SLC20A1: variants seen among roughly 807,000 people sequenced by gnomAD.
SLC20A1 encodes the protein solute carrier family 20 member 1.
A neutral mutation model predicts 62.7 loss-of-function variants in SLC20A1; 28 were observed. The ratio of observed to expected loss-of-function variants is 0.45; its 90% CI spans 0.33 to 0.61. SLC20A1 has a LOEUF of 0.61. Ranked by LOEUF, SLC20A1 falls within the 20% of genes least tolerant of loss-of-function variation. The probability of loss-of-function intolerance (pLI) is 0.02; values close to 1 mark genes in which losing one functional copy is unlikely to be tolerated. For missense variants in SLC20A1, 673 were observed against 838.6 expected (o/e 0.80, Z 2.44); for synonymous variants, 305 against 302.9 (o/e 1.01, Z -0.07).
intron 8 of SLC20A1, 57 bp from the exon 9 acceptor site, chr2:112,660,330 C>A (rs1686713320): frequency 6.7e-7 from 1 of 1,484,466 alleles, no homozygotes. Flanking sequence ...CAGATTGGGT[C>A]TTGCCAAGAT....
chr2:112,655,230 A>G (rs1300325333), intron 5 of SLC20A1, among the ~76,000 whole-genome samples: 1 of 151,902 alleles, frequency 6.6e-6, no homozygotes, highest in African/African-American at 2.4e-5. Context: ...CAGCCTCCCA[A>G]AGTGCTGGGA....
Position 112,663,122 on chromosome 2 carries a change from A to G in SLC20A1, c.*97A>G. 7.2e-7 allele frequency: 1 copy of G among 1,396,890 alleles called. No individual in the cohort carries two copies. Among genetic ancestry groups the G allele is most frequent in the Non-Finnish European group, 1.0e-6 (1 of 983,274 alleles). 86.5% of individuals were successfully genotyped at this position (1,396,890 alleles called of 1,614,324 possible). On this transcript the variant is annotated 3_prime_UTR_variant, in exon 11 of 11. Coordinates refer to ENST00000272542, the MANE Select transcript of SLC20A1 (RefSeq NM_005415.5). The stretch of plus-strand genomic sequence containing the variant: ...TTACAGTGTTAACAGAAGACTGACA[A>G]GAGTCTTTTTATTTGGGAGCCAGAG...
intron 5 of SLC20A1, among the ~76,000 whole-genome samples, chr2:112,655,432 C>T (rs575253866): frequency 2.0e-4 from 30 of 151,174 alleles, no homozygotes; most frequent in Admixed American, 5.9e-4. Flanking sequence ...TCTGTGATTT[C>T]GTACATAACA....
Position 112,662,778 on chromosome 2 carries a change from C to A in SLC20A1, c.1879-86C>A, listed in dbSNP as rs1187547798. 2.9e-6 allele frequency: 4 copies of A among 1,400,680 alleles called. No homozygotes were observed. The African/African-American group carries it at 5.8e-5, about 20-fold the overall frequency. The allele number at this position is 1,400,680 out of a possible 1,614,324, so 86.8% of individuals were successfully genotyped here. A position where few individuals can be genotyped will look rare whatever the true frequency, so the allele number is the denominator to read the frequency against. On this transcript the variant is annotated intron_variant, in intron 10 of 10. Transcript: ENST00000272542. The stretch of plus-strand genomic sequence containing the variant: ...TTGTCTTGTCCAGGGGTCTGGGGCT[C>A]CTTGTCCAAACAGTCTCAGGTGTCT...
At chr2:112,651,396 T>G (rs1489585834) in intron 4 of SLC20A1, among the ~76,000 whole-genome samples, 1 of 152,266 alleles carries the variant, frequency 6.6e-6, no homozygotes, top group African/African-American at 2.4e-5. Context: ...TATTCAGATC[T>G]TTGCTCCCAA....
chr2:112,658,721 A>G (rs1317003402), intron 6 of SLC20A1, 104 bp from the exon 7 acceptor site: 7 of 1,258,580 alleles, frequency 5.6e-6, no homozygotes, highest in East Asian at 4.7e-5. Flanking sequence ...GTTCACATAC[A>G]TTCTTGTTTT....
intron 4 of SLC20A1, among the ~76,000 whole-genome samples, chr2:112,651,226 C>T (rs567614175): frequency 6.6e-5 from 10 of 152,266 alleles, no homozygotes; most frequent in African/African-American, 2.2e-4. Context: ...TTTCACTGGT[C>T]TTAAGCTACT....
chr2:112,650,334 CTT>C (rs398042584), intron 4 of SLC20A1, among the ~76,000 whole-genome samples: 20 of 134,846 alleles, frequency 1.5e-4, no homozygotes, highest in Admixed American at 2.2e-4. Context: ...TTTTTGGAGC[CTT>C]TTTTTTTTTT....
rs773142769 is a variant in SLC20A1, at chr2:112,660,511, G to T, written c.1732G>T (p.Val578Phe). 2.5e-6 allele frequency: 4 copies of T among 1,614,200 alleles called. No individual in the cohort carries two copies. The Admixed American group carries it at 5.0e-5, about 20-fold the overall frequency. ...GGVGICVGLW[V>F]WGRRVIQTMG... ...TGTTGGTATCTGTGTTGGTCTGTGGGTTTGGGGAAGAAGAGTTATCCAGAC... is the reference window on the plus strand; with the variant it reads ...TGTTGGTATCTGTGTTGGTCTGTGGTTTTGGGGAAGAAGAGTTATCCAGAC... The change falls in exon 9 of 11, where the codon GTT becomes TTT. Residue 578 changes from valine to phenylalanine, a missense_variant. Transcript: ENST00000272542.
chr2:112,654,570 A>T (rs1046343581), intron 5 of SLC20A1, among the ~76,000 whole-genome samples: 2 of 152,188 alleles, frequency 1.3e-5, no homozygotes, highest in Admixed American at 1.3e-4. Context: ...TGAAAGCAGA[A>T]TTTAAAATGA....
At chr2:112,657,005 G>T in intron 5 of SLC20A1, 117 bp from the exon 6 acceptor site, 1 of 1,182,538 alleles carries the variant, frequency 8.5e-7, no homozygotes, top group East Asian at 2.4e-5. Context: ...TCTGGCAGCA[G>T]CTGTCAGGGG....
intron 5 of SLC20A1, among the ~76,000 whole-genome samples, chr2:112,654,922 CAAAA>C (rs143031557): frequency 1.5e-5 from 2 of 135,900 alleles, no homozygotes; most frequent in Non-Finnish European, 3.2e-5. Flanking sequence ...AGTTCAAAAA[CAAAA>C]AAAGTTTTAG....
intron 5 of SLC20A1, among the ~76,000 whole-genome samples, chr2:112,655,474 T>G (rs1223230759): frequency 6.6e-6 from 1 of 150,600 alleles, no homozygotes; most frequent in Non-Finnish European, 1.5e-5. Context: ...CAGAAGTAAC[T>G]AAGCTATTCC....
rs1268505591 is a variant in SLC20A1 at position 112,662,917 on chromosome 2, G to A, written c.1932G>A (p.Trp644Ter). The A allele has an allele frequency of 6.2e-7, 1 of 1,614,010 alleles. No homozygotes were observed. Among genetic ancestry groups the A allele is most frequent in the Non-Finnish European group, 8.5e-7 (1 of 1,180,030 alleles). ...TCCGGTCCAAGAAGGCTGTTGACTG[G>A]CGTCTCTTTCGTAACATTTTTATGG... Reference protein sequence around the residue: ...GWLRSKKAVDWRLFRNIFMAW... With the variant: ...GWLRSKKAVD Residue 644 changes from tryptophan to a stop codon, truncating the protein, a stop_gained, in exon 11 of 11, where the codon TGG becomes TGA. Transcript: ENST00000272542. LOFTEE classifies it high-confidence loss of function.
At chr2:112,652,995 A>G (rs1479909344) in intron 5 of SLC20A1, 197 bp downstream of exon 5, 1 of 1,388,754 alleles carries the variant, frequency 7.2e-7, no homozygotes, top group Admixed American at 2.0e-5. Context: ...AGACCTGCTC[A>G]GATTCTAAAT....
chr2:112,649,450 A>G (rs1686375150), intron 4 of SLC20A1, among the ~76,000 whole-genome samples: 1 of 152,216 alleles, frequency 6.6e-6, no homozygotes, highest in Non-Finnish European at 1.5e-5. Context: ...TTTCAAGAAA[A>G]TATCCTTAGA....
chr2:112,646,002 T>C lies in SLC20A1; in HGVS notation c.-394T>C, dbSNP rs995754382. 1.3e-4 allele frequency: 20 copies of C among 152,274 alleles called. No homozygotes were observed. The highest frequency in any genetic ancestry group is 1.1e-3 in the Admixed American group (17 of 15,274). 9.4% of individuals were successfully genotyped at this position (152,274 alleles called of 1,614,324 possible). On this transcript the variant is annotated 5_prime_UTR_variant, in exon 1 of 11. Transcript: ENST00000272542. ...TCTCGGCCGCTGAAACCCCCGCGGCTGCTTCCTGGGAAGGTCGTGAGTCCC... is the reference window on the plus strand; with the variant it reads ...TCTCGGCCGCTGAAACCCCCGCGGCCGCTTCCTGGGAAGGTCGTGAGTCCC...
At position 112,646,733 on chromosome 2, in the gene SLC20A1, ATTAT is replaced by A; in HGVS notation, c.-90_-87del. ...CAGTATTTAATTTTATATAATATATATTATTTATTATAGCATTTTTGATACCTCA... is the reference window on the plus strand; with the variant it reads ...CAGTATTTAATTTTATATAATATATATTATTATAGCATTTTTGATACCTCA... On this transcript the variant is annotated 5_prime_UTR_variant, in exon 2 of 11. Coordinates refer to ENST00000272542, the MANE Select transcript of SLC20A1 (RefSeq NM_005415.5). 1.7e-6 allele frequency: 1 copy of A among 573,694 alleles called. No homozygotes were observed. The highest frequency in any genetic ancestry group is 2.8e-6 in the Non-Finnish European group (1 of 356,698). The allele number at this position is 573,694 out of a possible 1,614,324, so 35.5% of individuals were successfully genotyped here.
rs916227171 is a variant in SLC20A1 at position 112,647,138 on chromosome 2, G to T, written c.310G>T (p.Ala104Ser). ...CAACTCGACTCAAGGGCTGCTGATG[G>T]CCGGCTCAGTCAGTGCTATGTTTGG... ...MYNSTQGLLM[A>S]GSVSAMFGSA... Residue 104 changes from alanine (A) to serine (S), a missense_variant, in exon 2 of 11, where the codon GCC becomes TCC. Ala to Ser is a moderately conservative substitution (Grantham distance 99). Transcript: ENST00000272542. 2 of 1,613,686 alleles carry T rather than the reference G, an allele frequency of 1.2e-6. No individual in the cohort carries two copies. The highest frequency in any genetic ancestry group is 2.7e-5 in the African/African-American group (2 of 74,906).
Sources: gnomAD v4.1 joint callset for allele counts (sites outside exome capture counted in the v4.1 genomes callset) on GRCh38, gnomAD v4.1.1 for gene constraint, MANE v1.5 for transcripts, NCBI Gene and HGNC (gene_info 2026-07-23, HGNC 2026-07-21) for gene names.